Variants in PARP9 observed in about 807,000 individuals in gnomAD.
PARP9 encodes protein mono-ADP-ribosyltransferase PARP9.
Under a neutral mutation model 68.8 loss-of-function variants are expected in PARP9, and 48 were observed. The observed-to-expected ratio is 0.70, with a 90% CI of 0.55 to 0.89. The LOEUF is 0.89. Among genes scored for constraint, PARP9 ranks in the 40% least tolerant of loss-of-function variants. The pLI is 0.00. For synonymous variants in PARP9, 309 were observed against 333.8 expected, an observed-to-expected ratio of 0.93 and a Z score of 0.81; for missense variants, 806 against 969.3, an observed-to-expected ratio of 0.83 and a Z score of 2.24.
At chr3:122,553,942 G>C (rs549193874) in intron 4 of PARP9, among the ~76,000 whole-genome samples, 59 of 152,138 alleles carry the variant, frequency 3.9e-4, no homozygotes, top group African/African-American at 1.3e-3. Flanking sequence ...CGTCTAGCAG[G>C]GGAGCTGCAC....
At chr3:122,533,508 C>G (rs2077441714) in intron 10 of PARP9, 1 of 222,544 alleles carries the variant, frequency 4.5e-6, no homozygotes. Context: ...GTGCCATCAC[C>G]AAGGGGGACA....
intron 8 of PARP9, among the ~76,000 whole-genome samples, chr3:122,538,588 A>G (rs561701089): frequency 1.3e-5 from 2 of 152,172 alleles, no homozygotes; most frequent in East Asian, 3.9e-4. Context: ...CAAGAGACTT[A>G]TATGACTCAA....
intron 8 of PARP9, among the ~76,000 whole-genome samples, chr3:122,539,567 C>CTTTCTTTCTTTA (rs1347024453): frequency 1.2e-5 from 1 of 86,916 alleles, no homozygotes; most frequent in Non-Finnish European, 2.4e-5. Context: ...TTCTTTCTTT[C>CTTTCTTTCTTTA]TTTTTTTTTT....
intron 8 of PARP9, 147 bp from the exon 9 acceptor site, chr3:122,537,220 A>G (rs746611867): frequency 1.3e-6 from 1 of 796,656 alleles, no homozygotes; most frequent in Non-Finnish European, 1.9e-6. Context: ...GAGGAGAGCT[A>G]TAATACTACG....
chr3:122,534,241 T>C, intron 10 of PARP9: 1 of 905,518 alleles, frequency 1.1e-6, no homozygotes. Flanking sequence ...TTAAAGGAAC[T>C]GTATTGCTGA....
At chr3:122,531,749 A>G (rs1362422252) in intron 10 of PARP9, 1 of 152,094 alleles carries the variant, frequency 6.6e-6, no homozygotes, top group Admixed American at 6.5e-5. Context: ...ACCAAAAGCT[A>G]AAAACCAGAA....
chr3:122,555,634 C>A lies in PARP9; in HGVS notation c.537G>T (p.Gln179His). 1 of 1,614,188 alleles carries A rather than the reference C, an allele frequency of 6.2e-7. No homozygotes were observed. Among genetic ancestry groups the A allele is most frequent in the East Asian group, 2.2e-5 (1 of 44,886 alleles). Residue 179 changes from glutamine to histidine, a missense_variant, in exon 4 of 11, where the codon CAG becomes CAT. Physicochemically the swap from Gln to His is conservative, Grantham distance 24. Coordinates refer to ENST00000682323, the MANE Select transcript of PARP9 (RefSeq NM_001146105.2). ...AATTCAGAATACTTACAATGGCCCTCTGCAGCTTTCCAGTACATCCCTGTT... is the reference window on the plus strand; with the variant it reads ...AATTCAGAATACTTACAATGGCCCTATGCAGCTTTCCAGTACATCCCTGTT... ...WDKQGCTGKL[Q>H]RAIVSILNYV...
intron 1 of PARP9, among the ~76,000 whole-genome samples, chr3:122,563,880 C>T (rs1387368947): frequency 6.6e-6 from 1 of 152,074 alleles, no homozygotes; most frequent in Non-Finnish European, 1.5e-5. Flanking sequence ...CAATTCAGTG[C>T]TGTTGGTTAA....
intron 1 of PARP9, among the ~76,000 whole-genome samples, chr3:122,562,395 A>T (rs1335104956): frequency 6.7e-6 from 1 of 149,310 alleles, no homozygotes; most frequent in Non-Finnish European, 1.5e-5. Flanking sequence ...GGGTTTCACC[A>T]TGTTAGCCAG....
intron 2 of PARP9, 130 bp downstream of exon 2, chr3:122,559,476 C>T (rs1006658235): frequency 2.4e-6 from 2 of 829,252 alleles, no homozygotes. Context: ...AAGGAGAAAA[C>T]TTTATTGAGC....
At chr3:122,536,522 C>T (rs1487901596) in intron 9 of PARP9, 180 bp from the exon 10 acceptor site, 39 of 1,187,638 alleles carry the variant, frequency 3.3e-5, no homozygotes, top group African/African-American at 4.6e-5. Context: ...TATTTTGATT[C>T]GTTCTTCAAA....
At chr3:122,550,943 A>T in intron 5 of PARP9, 141 bp from the exon 6 acceptor site, 1 of 717,586 alleles carries the variant, frequency 1.4e-6, no homozygotes, top group East Asian at 2.7e-5. Flanking sequence ...ATGACAGGAA[A>T]GGTCCCACTC....
At chr3:122,564,175 C>T (rs1223451024) in intron 1 of PARP9, 70 bp downstream of exon 1, 3 of 488,926 alleles carry the variant, frequency 6.1e-6, no homozygotes, top group South Asian at 3.2e-5. Context: ...GCCCGTCCCC[C>T]TTCTCCCCGC....
intron 7 of PARP9, among the ~76,000 whole-genome samples, chr3:122,543,505 G>A (rs941313863): frequency 6.6e-6 from 1 of 151,820 alleles, no homozygotes; most frequent in African/African-American, 2.4e-5. Context: ...TCGAACTCCC[G>A]ACCTCAGGTG....
Position 122,540,632 on chromosome 3 carries a change from A to G in PARP9, c.1605T>C (p.Ser535=), listed in dbSNP as rs758051490. Reference sequence around the variant, plus strand: ...GGCTGATAATTTCTGTGATGGAGACACTTGAAGTTTTCTGAAGCTGAGACA... The same window carrying G: ...GGCTGATAATTTCTGTGATGGAGACGCTTGAAGTTTTCTGAAGCTGAGACA... ...DILSQLQKTS[S]VSITEIISPG... Residue 535 remains serine, a synonymous_variant, in exon 8 of 11, where the codon AGT becomes AGC. Coordinates refer to ENST00000682323, the MANE Select transcript of PARP9 (RefSeq NM_001146105.2). The G allele has an allele frequency of 4.3e-6, 7 of 1,614,136 alleles. No homozygotes were observed. The South Asian group carries it at 7.7e-5, about 18-fold the overall frequency.
At chr3:122,536,491 C>A in intron 9 of PARP9, 149 bp from the exon 10 acceptor site, 1 of 1,339,926 alleles carries the variant, frequency 7.5e-7, no homozygotes, top group Non-Finnish European at 9.9e-7. Flanking sequence ...AAAAGAGTCT[C>A]TCCTCCCTCT....
chr3:122,545,389 T>C (rs761516498), intron 7 of PARP9, 43 bp downstream of exon 7: 3 of 1,592,286 alleles, frequency 1.9e-6, no homozygotes, highest in Non-Finnish European at 2.6e-6. Flanking sequence ...AATGAGCCAA[T>C]GGTGGGCGAC....
Position 122,552,545 on chromosome 3 carries a change from G to A in PARP9, c.980C>T (p.Ser327Leu), listed in dbSNP as rs376922210. Residue 327 changes from serine to leucine, a missense_variant, in exon 5 of 11, where the codon TCG becomes TTG. Coordinates refer to ENST00000682323, the MANE Select transcript of PARP9 (RefSeq NM_001146105.2). ...ILQQAGVEMK[S>L]EFLATKAKQF... is the part of the protein sequence containing the mutation. ...TTTAGCCTTTGTGGCAAGAAATTCC[G>A]ATTTCATTTCAACTCCTGCTTGTTG... 52 of 1,613,872 alleles carry A rather than the reference G, an allele frequency of 3.2e-5. No homozygotes were observed. The highest frequency in any genetic ancestry group is 4.1e-5 in the Non-Finnish European group (48 of 1,179,964).
At chr3:122,537,119 G>A in intron 8 of PARP9, 46 bp from the exon 9 acceptor site, 1 of 1,533,098 alleles carries the variant, frequency 6.5e-7, no homozygotes, top group South Asian at 1.2e-5. Context: ...CTCTGAGAGA[G>A]GAGAAAAGAA....
Sources: allele counts gnomAD v4.1 joint callset (sites outside exome capture counted in the v4.1 genomes callset), GRCh38; gene constraint gnomAD v4.1.1; transcripts MANE v1.5; gene names NCBI Gene and HGNC (gene_info 2026-07-23, HGNC 2026-07-21).